The following SRGAP3 variants were observed in gnomAD, a reference collection of about 807,000 sequenced individuals.
The protein encoded by SRGAP3 is SLIT-ROBO Rho GTPase activating protein 3, also known as SLIT-ROBO Rho GTPase-activating protein 3.
In SRGAP3, 39 loss-of-function variants were observed where a neutral mutation model predicts 121.1. The observed-to-expected ratio is 0.32, with a 90% CI of 0.25 to 0.42. The LOEUF is 0.42. Ranked by LOEUF, SRGAP3 falls within the 10% of genes least tolerant of loss-of-function variation. The pLI is 1.00. For synonymous variants in SRGAP3, 601 were observed against 570.0 expected (o/e 1.05, Z -0.77); for missense variants, 1,213 against 1,470.6 (o/e 0.82, Z 2.86).
intron 1 of SRGAP3, among the ~76,000 whole-genome samples, chr3:9,225,233 G>C (rs1169547399): frequency 6.6e-6 from 1 of 152,202 alleles, no homozygotes; most frequent in Admixed American, 6.5e-5. Flanking sequence ...GGACCCACCT[G>C]AAAGCAGCTC....
At chr3:9,352,656 T>C (rs896212119) in intron 1 of SRGAP3, among the ~76,000 whole-genome samples, 3 of 152,182 alleles carry the variant, frequency 2.0e-5, no homozygotes, top group African/African-American at 7.2e-5. Flanking sequence ...TCTCGGATCA[T>C]ATCCCCTTCT....
intron 3 of SRGAP3, among the ~76,000 whole-genome samples, chr3:9,309,831 T>G (rs992658562): frequency 2.0e-5 from 3 of 152,142 alleles, no homozygotes; most frequent in African/African-American, 7.2e-5. Context: ...CACTCCAGCC[T>G]GGGTGACAGA....
Position 9,181,333 on chromosome 3 carries a change from C to T in SRGAP3, c.68-56416G>A, listed in dbSNP as rs536232199. Among the ~76,000 whole-genome samples the T allele has an allele frequency of 4.1e-4, 62 of 152,308 alleles. 1 individual carries two copies. The South Asian group carries it at 0.012, about 30-fold the overall frequency. ...AGCCAAATGGGAAGGTAATGGTAAT[C>T]GTTTTCTCTTGCTGGTGAAACAAAT... is the stretch of plus-strand genomic sequence containing the variant. On this transcript the variant is annotated intron_variant, in intron 1 of 21. Transcript: ENST00000383836.
At chr3:9,072,984 C>T (rs1232879938) in intron 4 of SRGAP3, among the ~76,000 whole-genome samples, 2 of 152,232 alleles carry the variant, frequency 1.3e-5, no homozygotes, top group Non-Finnish European at 2.9e-5. Flanking sequence ...AAGCTTCTCG[C>T]CTGCTGCTCT....
intron 10 of SRGAP3, among the ~76,000 whole-genome samples, chr3:9,040,528 C>T (rs541081718): frequency 1.3e-5 from 2 of 151,968 alleles, no homozygotes; most frequent in African/African-American, 4.8e-5. Flanking sequence ...CTTCCTCTAT[C>T]TTTATTATTT....
At chr3:9,309,253 G>T (rs1470985390) in intron 3 of SRGAP3, among the ~76,000 whole-genome samples, 1 of 152,210 alleles carries the variant, frequency 6.6e-6, no homozygotes, top group East Asian at 1.9e-4. Context: ...TCAAATGACA[G>T]AACTAAGAGG....
chr3:9,027,067 G>A (rs1027626608), intron 12 of SRGAP3, 72 bp from the exon 13 acceptor site: 11 of 1,379,304 alleles, frequency 8.0e-6, no homozygotes, highest in African/African-American at 2.8e-5. Flanking sequence ...TGCAAACACC[G>A]ATTACAGACT....
chr3:9,326,803 A>C (rs1955527638), intron 2 of SRGAP3, among the ~76,000 whole-genome samples: 1 of 151,838 alleles, frequency 6.6e-6, no homozygotes, highest in South Asian at 2.1e-4. Context: ...AAAACATTGG[A>C]TATTACAAAA....
At chr3:9,047,508 T>C in intron 9 of SRGAP3, 33 bp from the exon 10 acceptor site, 1 of 1,605,746 alleles carries the variant, frequency 6.2e-7, no homozygotes, top group Non-Finnish European at 8.5e-7. Context: ...AAGTTATAGA[T>C]TGCAAGGCCG....
intron 2 of SRGAP3, among the ~76,000 whole-genome samples, chr3:9,111,518 G>A (rs1948622245): frequency 6.6e-6 from 1 of 152,156 alleles, no homozygotes; most frequent in African/African-American, 2.4e-5. Flanking sequence ...GGAAGAGGGT[G>A]AAGAGTGAGG....
At chr3:9,074,478 C>T (rs1946865340) in intron 4 of SRGAP3, among the ~76,000 whole-genome samples, 1 of 152,170 alleles carries the variant, frequency 6.6e-6, no homozygotes, top group Non-Finnish European at 1.5e-5. Context: ...CTGCTTTCCA[C>T]TAATTAACTA....
At chr3:9,178,535 C>T (rs1951263343) in intron 1 of SRGAP3, among the ~76,000 whole-genome samples, 1 of 152,182 alleles carries the variant, frequency 6.6e-6, no homozygotes, top group African/African-American at 2.4e-5. Context: ...CACTTGCAAC[C>T]AACAGTTTTC....
chr3:9,091,275 T>C (rs1057088602), intron 3 of SRGAP3, among the ~76,000 whole-genome samples: 1 of 152,052 alleles, frequency 6.6e-6, no homozygotes, highest in African/African-American at 2.4e-5. Flanking sequence ...CTTTTCTCAC[T>C]CTTTGCTTGA....
At chr3:9,273,907 T>C (rs1419901428) in intron 3 of SRGAP3, among the ~76,000 whole-genome samples, 1 of 152,158 alleles carries the variant, frequency 6.6e-6, no homozygotes, top group Non-Finnish European at 1.5e-5. Context: ...ACCATATACG[T>C]GTGTGCTTAT....
At chr3:9,178,691 G>A (rs879932323) in intron 1 of SRGAP3, among the ~76,000 whole-genome samples, 4 of 152,088 alleles carry the variant, frequency 2.6e-5, no homozygotes, top group Non-Finnish European at 4.4e-5. Context: ...ACGGCATGAC[G>A]GATGCTCCCA....
intron 10 of SRGAP3, among the ~76,000 whole-genome samples, chr3:9,040,422 C>T (rs1432378920): frequency 6.6e-6 from 1 of 152,156 alleles, no homozygotes; most frequent in Non-Finnish European, 1.5e-5. Flanking sequence ...TAGGCGTTTG[C>T]ATTTGCTGCC....
At chr3:9,303,679 A>G (rs1432258463) in intron 3 of SRGAP3, among the ~76,000 whole-genome samples, 1 of 152,240 alleles carries the variant, frequency 6.6e-6, no homozygotes, top group Non-Finnish European at 1.5e-5. Context: ...AGGAAGGTAT[A>G]GAATGACTGC....
rs1950489927 is a variant in SRGAP3, at chr3:9,158,265, G to A, written c.68-33348C>T. ...AGCTGGTTCTTTACAAGGAGGTGGG[G>A]TGGGGAGGGATTCTAGTCAGATTGG... On this transcript the variant is annotated intron_variant, in intron 1 of 21. Transcript: ENST00000383836. Among the ~76,000 whole-genome samples the A allele has an allele frequency of 1.3e-5, 2 of 152,308 alleles. 1 individual carries two copies. The highest frequency in any genetic ancestry group is 4.1e-4 in the South Asian group (2 of 4,830).
Position 8,981,657 on chromosome 3 carries a change from C to T in SRGAP3, c.*3862G>A, listed in dbSNP as rs1941419925. 2 of 232,210 alleles carry T rather than the reference C, an allele frequency of 8.6e-6. No individual in the cohort carries two copies. The highest frequency in any genetic ancestry group is 5.6e-5 in the Admixed American group (1 of 17,724). 14.4% of individuals were successfully genotyped at this position (232,210 alleles called of 1,614,324 possible). ...AGAGAAGAAAGCCCCACATAAAGGC[C>T]CCTTCCCACACTGGTTCCTCTTTGT... On this transcript the variant is annotated 3_prime_UTR_variant, in exon 22 of 22. Coordinates refer to ENST00000383836, the MANE Select transcript of SRGAP3 (RefSeq NM_014850.4).
Sources: allele counts gnomAD v4.1 joint callset (sites outside exome capture counted in the v4.1 genomes callset), GRCh38; gene constraint gnomAD v4.1.1; transcripts MANE v1.5; gene names NCBI Gene and HGNC (gene_info 2026-07-23, HGNC 2026-07-21).